The following TRPM3 variants were observed in gnomAD, a reference collection of about 807,000 sequenced individuals.
The protein encoded by TRPM3 is long transient receptor potential channel 3.
Under a neutral mutation model 181.2 loss-of-function variants are expected in TRPM3, and 77 were observed. The ratio of observed to expected loss-of-function variants is 0.42; its 90% CI spans 0.35 to 0.51. TRPM3 has a LOEUF of 0.51. TRPM3 is among the 20% of genes least tolerant of loss of function. The pLI is 0.01. For missense variants in TRPM3, 1,759 were observed against 2,196.7 expected, an observed-to-expected ratio of 0.80 and a Z score of 3.98; for synonymous variants, 745 against 796.4, an observed-to-expected ratio of 0.94 and a Z score of 1.09.
chr9:70,689,594 A>G (rs2067929498), intron 8 of TRPM3, among the ~76,000 whole-genome samples: 1 of 152,052 alleles, frequency 6.6e-6, no homozygotes, highest in Non-Finnish European at 1.5e-5. Flanking sequence ...AGAAGTAACA[A>G]AGCACAGACG....
chr9:70,926,011 A>C (rs1340068309), intron 1 of TRPM3, among the ~76,000 whole-genome samples: 4 of 140,260 alleles, frequency 2.9e-5, no homozygotes, highest in Admixed American at 1.4e-4. Context: ...AAAAAAAAAA[A>C]CAAACAAAAG....
chr9:70,745,665 C>T (rs545710816), intron 8 of TRPM3, among the ~76,000 whole-genome samples: 4 of 152,274 alleles, frequency 2.6e-5, no homozygotes, highest in African/African-American at 9.6e-5. Context: ...AGTCCCTTCC[C>T]ATCTATAAAA....
At chr9:70,959,320 GATAATA>G (rs1271069872) in intron 1 of TRPM3, among the ~76,000 whole-genome samples, 1 of 151,436 alleles carries the variant, frequency 6.6e-6, no homozygotes, top group African/African-American at 2.4e-5. Context: ...CAATAAACAT[GATAATA>G]ATAATAATTA....
intron 6 of TRPM3, among the ~76,000 whole-genome samples, chr9:70,796,992 T>C (rs1427919400): frequency 6.6e-6 from 1 of 152,094 alleles, no homozygotes; most frequent in Admixed American, 6.5e-5. Flanking sequence ...TAGCTGGGCA[T>C]GGTGGTATAT....
intron 1 of TRPM3, among the ~76,000 whole-genome samples, chr9:71,226,009 T>TTA (rs1554850480): frequency 1.2e-4 from 4 of 34,706 alleles, no homozygotes; most frequent in Admixed American, 4.6e-4. Context: ...CAACAAAAGG[T>TTA]AAAAAAAAAA....
chr9:71,378,987 C>T (rs113860570), intron 1 of TRPM3, among the ~76,000 whole-genome samples: 2,353 of 151,994 alleles, frequency 0.015, 70 homozygotes, highest in African/African-American at 0.051. Flanking sequence ...TTTGAAGATA[C>T]AAATACTAAA....
chr9:71,196,853 A>T (rs2078403149), intron 1 of TRPM3, among the ~76,000 whole-genome samples: 1 of 146,498 alleles, frequency 6.8e-6, no homozygotes, highest in Non-Finnish European at 1.5e-5. Context: ...ATGGAGTATA[A>T]ATTGGGCCTT....
intron 1 of TRPM3, among the ~76,000 whole-genome samples, chr9:71,082,222 A>G (rs147238211): frequency 6.6e-6 from 1 of 152,286 alleles, no homozygotes; most frequent in East Asian, 1.9e-4. Context: ...CTTGGTAGTT[A>G]CTGAAGGCAA....
At chr9:71,404,857 C>T (rs565136826) in intron 1 of TRPM3, among the ~76,000 whole-genome samples, 7 of 152,254 alleles carry the variant, frequency 4.6e-5, no homozygotes, top group African/African-American at 1.7e-4. Context: ...AAGCCATTGT[C>T]CCTGCCTGTT....
At chr9:70,570,458 G>A (rs1327525152) in intron 22 of TRPM3, among the ~76,000 whole-genome samples, 25 of 151,844 alleles carry the variant, frequency 1.6e-4, no homozygotes, top group African/African-American at 2.2e-4. Context: ...ACAGGTATGC[G>A]CCACCACGCC....
chr9:70,806,415 C>T (rs1320680578), intron 6 of TRPM3, among the ~76,000 whole-genome samples: 5 of 152,028 alleles, frequency 3.3e-5, no homozygotes, highest in South Asian at 4.2e-4. Context: ...AGTTTTTGGC[C>T]GGGACGGTGG....
intron 1 of TRPM3, among the ~76,000 whole-genome samples, chr9:71,274,465 T>G (rs1333495107): frequency 1.3e-5 from 2 of 152,198 alleles, no homozygotes; most frequent in African/African-American, 4.8e-5. Flanking sequence ...CCACTTATAT[T>G]ACATTTATAC....
chr9:70,881,316 C>T (rs556700949), intron 1 of TRPM3, among the ~76,000 whole-genome samples: 4 of 152,180 alleles, frequency 2.6e-5, no homozygotes, highest in African/African-American at 7.2e-5. Flanking sequence ...GCTTGACTTA[C>T]ACCTAAATGT....
chr9:71,075,549 G>C (rs1166197512), intron 1 of TRPM3, among the ~76,000 whole-genome samples: 1 of 152,062 alleles, frequency 6.6e-6, no homozygotes, highest in East Asian at 1.9e-4. Flanking sequence ...GTGCTATTTG[G>C]TAGACTGAAT....
intron 22 of TRPM3, among the ~76,000 whole-genome samples, chr9:70,578,991 T>C (rs964274963): frequency 3.9e-5 from 6 of 152,226 alleles, no homozygotes; most frequent in African/African-American, 1.2e-4. Context: ...GGGTGGTGGT[T>C]AGGGGGTGCA....
Position 70,862,993 on chromosome 9 carries a change from GACC to G in TRPM3, c.374_376del (p.Trp125del). 1 of 1,613,640 alleles carries G rather than the reference GACC, an allele frequency of 6.2e-7. No individual in the cohort carries two copies. Among genetic ancestry groups the G allele is most frequent in the Non-Finnish European group, 8.5e-7 (1 of 1,179,712 alleles). ...GCTGAGTTGAGTGTGTTTGCTGATG[GACC>G]ACTTTTCAGACTGGATGTCATTTCG... On this transcript the variant is annotated inframe_deletion, in exon 3 of 26. Coordinates refer to ENST00000677713, the MANE Select transcript of TRPM3 (RefSeq NM_001366145.2).
chr9:70,864,912 G>A (rs578195029), intron 1 of TRPM3, among the ~76,000 whole-genome samples: 21 of 152,040 alleles, frequency 1.4e-4, no homozygotes, highest in Admixed American at 1.2e-3. Flanking sequence ...ATAAGCATAA[G>A]GTTTTCACAG....
intron 22 of TRPM3, among the ~76,000 whole-genome samples, chr9:70,577,529 A>G (rs1394042824): frequency 6.6e-6 from 1 of 152,234 alleles, no homozygotes; most frequent in Non-Finnish European, 1.5e-5. Flanking sequence ...ACAAATGTTA[A>G]TTGACTTCCC....
At chr9:71,228,967 T>C (rs2080872578) in intron 1 of TRPM3, among the ~76,000 whole-genome samples, 1 of 151,862 alleles carries the variant, frequency 6.6e-6, no homozygotes, top group South Asian at 2.1e-4. Flanking sequence ...GAAAAAAAGA[T>C]CAAAAAATTT....
Sources: gnomAD v4.1 joint callset for allele counts (sites outside exome capture counted in the v4.1 genomes callset) on GRCh38, gnomAD v4.1.1 for gene constraint, MANE v1.5 for transcripts, NCBI Gene and HGNC (gene_info 2026-07-23, HGNC 2026-07-21) for gene names.